The following LIG4 variants were observed in gnomAD, a reference collection of about 807,000 sequenced individuals.
LIG4 encodes the protein DNA ligase 4.
In LIG4, 13 loss-of-function variants were observed where a neutral mutation model predicts 19.0. The ratio of observed to expected loss-of-function variants is 0.68; its 90% CI spans 0.44 to 1.09. The LOEUF (loss-of-function observed/expected upper bound fraction) is 1.09, where lower values mean the gene tolerates loss of function less well. Among genes scored for constraint, LIG4 ranks in the 50% least tolerant of loss-of-function variants. LIG4 has a pLI of 0.00. For synonymous variants in LIG4, 361 were observed against 358.2 expected, an observed-to-expected ratio of 1.01 and a Z score of -0.09; for missense variants, 1,026 against 1,089.7, an observed-to-expected ratio of 0.94 and a Z score of 0.82.
Position 108,215,251 on chromosome 13 carries a change from C to T in LIG4, c.-102+233G>A, listed in dbSNP as rs942544052. On this transcript the variant is annotated intron_variant, in intron 1 of 2. Coordinates refer to ENST00000442234, the MANE Select transcript of LIG4 (RefSeq NM_206937.2). ...ACAGATTCCCCCCTCTGACGCCCCA[C>T]AGACCCCCAACGTGACGCCCTACAG... 9.3e-5 allele frequency among the ~76,000 whole-genome samples: 5 copies of T among 53,688 alleles called. No individual in the cohort carries two copies. In the East Asian group the frequency reaches 1.4e-3, roughly 15 times the overall value. 35.2% of individuals were successfully genotyped at this position (53,688 alleles called of 152,430 possible).
Position 108,210,002 on chromosome 13 carries a change from C to G in LIG4, c.1267G>C (p.Asp423His). The G allele has an allele frequency of 6.2e-7, 1 of 1,612,250 alleles. No individual in the cohort carries two copies. The highest frequency in any genetic ancestry group is 8.5e-7 in the Non-Finnish European group (1 of 1,179,990). Residue 423 changes from aspartate to histidine, a missense_variant, in exon 3 of 3, where the codon GAT (aspartate) becomes CAT (histidine). By Grantham distance (81) the Asp-to-His change is moderately conservative (BLOSUM62 -1). This residue lies in a region of LIG4 where 493 missense variants were observed against 544.5 expected (regional missense o/e 0.91). Coordinates refer to ENST00000442234, the MANE Select transcript of LIG4 (RefSeq NM_206937.2). ...ACCATAATTCCCTCTTCTCTTTTAT[C>G]TATTGCTTCATTCAATGCATCAATT... ...EVIDALNEAI[D>H]KREEGIMVKQ...
Position 108,210,494 on chromosome 13 carries a change from T to G in LIG4, c.775A>C (p.Ile259Leu). Residue 259 changes from isoleucine to leucine, a missense_variant, in exon 3 of 3, where the codon ATT (isoleucine) becomes CTT (leucine). Ile to Leu is a conservative substitution (Grantham distance 5). Transcript: ENST00000442234. The part of the protein sequence containing the change: ...MLAAIADIEH[I>L]EKDMKHQSFY... ...CTCTGATGTTTCATATCCTTCTCAATGTGCTCAATATCTGCAATAGCAGCT... is the reference window on the plus strand; with the variant it reads ...CTCTGATGTTTCATATCCTTCTCAAGGTGCTCAATATCTGCAATAGCAGCT... 6.2e-7 allele frequency: 1 copy of G among 1,613,034 alleles called. No homozygotes were observed. The highest frequency in any genetic ancestry group is 8.5e-7 in the Non-Finnish European group (1 of 1,179,930).
rs1594456446 is a variant in LIG4 at position 108,209,268 on chromosome 13, C to T, written c.2001G>A (p.Met667Ile). 6.2e-7 allele frequency: 1 copy of T among 1,614,154 alleles called. No homozygotes were observed. Among genetic ancestry groups the T allele is most frequent in the South Asian group, 1.1e-5 (1 of 91,078 alleles). ...NIFEDVEFCV[M>I]SGTDSQPKPD... ...GCTTTGGCTGGCTATCTGTTCCACT[C>T]ATAACACAAAACTCTACATCTTCAA... The change falls in exon 3 of 3, where the codon ATG (methionine) becomes ATA (isoleucine). Residue 667 changes from methionine (M) to isoleucine (I), a missense_variant. By Grantham distance (10) the Met-to-Ile change is conservative. Coordinates refer to ENST00000442234, the MANE Select transcript of LIG4 (RefSeq NM_206937.2).
chr13:108,211,606 A>G (rs1178437958), intron 2 of LIG4, among the ~76,000 whole-genome samples: 2 of 152,222 alleles, frequency 1.3e-5, no homozygotes, highest in Non-Finnish European at 2.9e-5. Flanking sequence ...ATTATTTAGC[A>G]CATAATACAA....
At position 108,209,954 on chromosome 13, in the gene LIG4, T is replaced by C. The variant is rs770425889; in HGVS notation, c.1315A>G (p.Lys439Glu). 3.1e-6 allele frequency: 5 copies of C among 1,613,832 alleles called. No individual in the cohort carries two copies. Among genetic ancestry groups the C allele is most frequent in the Non-Finnish European group, 4.2e-6 (5 of 1,180,010 alleles). Reference sequence around the variant, plus strand: ...CACCCTTCACCTCTTTTGTCTGGCTTGTAGATGGATAGAGGTTGTTTTACC... The same window carrying C: ...CACCCTTCACCTCTTTTGTCTGGCTCGTAGATGGATAGAGGTTGTTTTACC... ...IMVKQPLSIY[K>E]PDKRGEGWLK... The change falls in exon 3 of 3, where the codon AAG becomes GAG. Residue 439 changes from lysine to glutamate, a missense_variant. Lys to Glu is a moderately conservative substitution (Grantham distance 56). Coordinates refer to ENST00000442234, the MANE Select transcript of LIG4 (RefSeq NM_206937.2).
At chr13:108,216,411 C>T (rs1035946425), upstream of LIG4, among the ~76,000 whole-genome samples, 1 of 152,190 alleles carries the variant, frequency 6.6e-6, no homozygotes, top group Non-Finnish European at 1.5e-5. Flanking sequence ...CCTGATAAAA[C>T]ATATTAGAGC....
upstream of LIG4, among the ~76,000 whole-genome samples, chr13:108,216,260 G>A (rs921748057): frequency 1.3e-5 from 2 of 152,230 alleles, no homozygotes; most frequent in Admixed American, 6.5e-5. Context: ...GGTTTCCACC[G>A]AATTTTTGCT....
upstream of LIG4, among the ~76,000 whole-genome samples, chr13:108,215,837 T>C (rs931774002): frequency 5.3e-5 from 8 of 152,156 alleles, no homozygotes; most frequent in Non-Finnish European, 8.8e-5. Context: ...CTAATTCTTG[T>C]TCTCTGTACG....
chr13:108,212,012 A>G (rs1298598044), intron 2 of LIG4, among the ~76,000 whole-genome samples: 1 of 152,118 alleles, frequency 6.6e-6, no homozygotes. Flanking sequence ...CTATTTTACC[A>G]TAGTTACTTA....
In LIG4 at chr13:108,210,598, A is replaced by C; in HGVS notation, c.671T>G (p.Val224Gly). Residue 224 changes from valine to glycine, a missense_variant, in exon 3 of 3, where the codon GTC becomes GGC. By Grantham distance (109) the Val-to-Gly change is moderately radical. Transcript: ENST00000442234. ...LHNVTTDLEK[V>G]CRQLHDPSVG... is the part of the protein sequence containing the mutation. ...AGAAGGATCATGCAGTTGCCTACAG[A>C]CTTTTTCCAGATCTGTAGTGACATT... 1 of 1,613,454 alleles carries C rather than the reference A, an allele frequency of 6.2e-7. No homozygotes were observed. The highest frequency in any genetic ancestry group is 8.5e-7 in the Non-Finnish European group (1 of 1,179,970).
intron 2 of LIG4, among the ~76,000 whole-genome samples, chr13:108,212,193 G>GA (rs199746129): frequency 2.1e-5 from 3 of 142,486 alleles, no homozygotes; most frequent in East Asian, 2.1e-4. Context: ...AAAAAAAAAA[G>GA]AAAAAAAAGA....
Position 108,209,050 on chromosome 13 carries a change from G to A in LIG4, c.2219C>T (p.Pro740Leu), listed in dbSNP as rs1878265397. The A allele has an allele frequency of 1.2e-6, 2 of 1,614,012 alleles. No homozygotes were observed. Among genetic ancestry groups the A allele is most frequent in the Non-Finnish European group, 1.7e-6 (2 of 1,180,048 alleles). ...TGGGCACATATGAATCATAAAGCGA[G>A]GCTGCCATGGTACAAAGCTTTTGGT... Reference protein sequence around the residue: ...FKTKSFVPWQPRFMIHMCPST... With the variant: ...FKTKSFVPWQLRFMIHMCPST... The change falls in exon 3 of 3, where the codon CCT (proline) becomes CTT (leucine). Residue 740 changes from proline (P) to leucine (L), a missense_variant. Coordinates refer to ENST00000442234, the MANE Select transcript of LIG4 (RefSeq NM_206937.2).
chr13:108,212,621 G>A (rs1878786229), intron 2 of LIG4, among the ~76,000 whole-genome samples: 1 of 151,842 alleles, frequency 6.6e-6, no homozygotes, highest in African/African-American at 2.4e-5. Context: ...GTTTTGCTGG[G>A]AGTGGGGAGA....
At chr13:108,218,277 G>C (rs534605546), upstream of LIG4, 6 of 152,344 alleles carry the variant, frequency 3.9e-5, no homozygotes, top group Admixed American at 3.3e-4. Context: ...GAGGGTGGAA[G>C]GCCAAGATCC....
rs148273759 is a variant in LIG4, at chr13:108,210,023, C to A, written c.1246G>T (p.Asp416Tyr). 2.4e-5 allele frequency: 38 copies of A among 1,612,026 alleles called. No homozygotes were observed. The African/African-American group carries it at 4.5e-4, about 19-fold the overall frequency. ...TQAHTKNEVI[D>Y]ALNEAIDKRE... Reference sequence around the variant, plus strand: ...TTATCTATTGCTTCATTCAATGCATCAATTACTTCATTCTTAGTATGAGCT... The same window carrying A: ...TTATCTATTGCTTCATTCAATGCATAAATTACTTCATTCTTAGTATGAGCT... The change falls in exon 3 of 3, where the codon GAT (aspartate) becomes TAT (tyrosine). Residue 416 changes from aspartate (D) to tyrosine (Y), a missense_variant. Asp to Tyr is a radical substitution (Grantham distance 160). This residue lies in a region of LIG4 where 493 missense variants were observed against 544.5 expected (regional missense o/e 0.91). Coordinates refer to ENST00000442234, the MANE Select transcript of LIG4 (RefSeq NM_206937.2).
chr13:108,210,873 C>G lies in LIG4; in HGVS notation c.396G>C (p.Val132=), dbSNP rs777906524. Residue 132 remains valine (V), a synonymous_variant, in exon 3 of 3, where the codon GTG becomes GTC. Transcript: ENST00000442234. ...AGDFAMIAYF[V]LKPRCLQKGS... is the part of the protein sequence containing the mutation. Reference sequence around the variant, plus strand: ...CTTTCTGTAAACATCTTGGCTTCAACACAAAATATGCAATCATTGCAAAGT... The same window carrying G: ...CTTTCTGTAAACATCTTGGCTTCAAGACAAAATATGCAATCATTGCAAAGT... 6.2e-7 allele frequency: 1 copy of G among 1,614,046 alleles called. No homozygotes were observed. The highest frequency in any genetic ancestry group is 1.1e-5 in the South Asian group (1 of 91,072).
chr13:108,211,399 A>C, intron 2 of LIG4, 103 bp from the exon 3 acceptor site: 2 of 738,354 alleles, frequency 2.7e-6, no homozygotes, highest in Non-Finnish European at 2.3e-6. Flanking sequence ...ATAAATGTTT[A>C]TTAATGTTTA....
chr13:108,212,452 T>C (rs917546513), intron 2 of LIG4, among the ~76,000 whole-genome samples: 1 of 152,130 alleles, frequency 6.6e-6, no homozygotes, highest in Non-Finnish European at 1.5e-5. Flanking sequence ...TATATTAGAG[T>C]AATTTTAATA....
chr13:108,212,154 C>T (rs1182610265), intron 2 of LIG4, among the ~76,000 whole-genome samples: 2 of 145,124 alleles, frequency 1.4e-5, no homozygotes, highest in African/African-American at 2.6e-5. Flanking sequence ...CTGCATGTTT[C>T]TGCTTTAAAA....
Sources: gnomAD v4.1 joint callset for allele counts (sites outside exome capture counted in the v4.1 genomes callset) on GRCh38, gnomAD v4.1.1 for gene constraint, gnomAD v4.1.1 regional missense constraint, MANE v1.5 for transcripts, NCBI Gene and HGNC (gene_info 2026-07-23, HGNC 2026-07-21) for gene names.